The following PTPN4 variants were observed in gnomAD, a reference collection of about 807,000 sequenced individuals.
PTPN4 encodes protein tyrosine phosphatase non-receptor type 4.
PTPN4 carries 49 observed loss-of-function variants against 135.5 expected under a neutral mutation model. The observed-to-expected ratio is 0.36, with a 90% confidence interval of 0.29 to 0.46. The LOEUF (loss-of-function observed/expected upper bound fraction) is 0.46, where lower values mean the gene tolerates loss of function less well. Among genes scored for constraint, PTPN4 ranks in the 20% least tolerant of loss-of-function variants. The pLI is 1.00. For synonymous variants in PTPN4, 333 were observed against 369.9 expected, an observed-to-expected ratio of 0.90 and a Z score of 1.14; for missense variants, 860 against 1,101.0, an observed-to-expected ratio of 0.78 and a Z score of 3.10.
At chr2:119,862,488 T>C (rs747950205) in intron 2 of PTPN4, 48 bp from the exon 3 acceptor site, 10 of 1,511,334 alleles carry the variant, frequency 6.6e-6, no homozygotes, top group Admixed American at 1.7e-5. Flanking sequence ...ATGTGAAGAA[T>C]GTAACCTATC....
At chr2:119,802,226 G>A (rs545297351) in intron 1 of PTPN4, among the ~76,000 whole-genome samples, 80 of 152,206 alleles carry the variant, frequency 5.3e-4, no homozygotes, top group African/African-American at 1.5e-3. Flanking sequence ...CACAGCATAG[G>A]CTAGGACTTG....
In PTPN4 at chr2:119,881,777, G is replaced by C; in HGVS notation, c.369-9G>C. The C allele has an allele frequency of 6.5e-7, 1 of 1,534,586 alleles. No homozygotes were observed. Among genetic ancestry groups the C allele is most frequent in the African/African-American group, 1.4e-5 (1 of 72,524 alleles). ...TAAATGCTATCCTTTTTGTTTGTTTGTTTTTAAGGTACCAGTATTTTTTGC... is the reference window on the plus strand; with the variant it reads ...TAAATGCTATCCTTTTTGTTTGTTTCTTTTTAAGGTACCAGTATTTTTTGC... On this transcript the variant is annotated splice_polypyrimidine_tract_variant and intron_variant, in intron 5 of 26. Coordinates refer to ENST00000263708, the MANE Select transcript of PTPN4 (RefSeq NM_002830.4).
At chr2:119,855,328 A>G (rs550336177) in intron 2 of PTPN4, among the ~76,000 whole-genome samples, 1 of 152,188 alleles carries the variant, frequency 6.6e-6, no homozygotes, top group Admixed American at 6.5e-5. Flanking sequence ...GAATTTAAAA[A>G]TAACAAGTTG....
chr2:119,905,718 A>G (rs1678477266), intron 10 of PTPN4, among the ~76,000 whole-genome samples: 1 of 152,240 alleles, frequency 6.6e-6, no homozygotes, highest in African/African-American at 2.4e-5. Context: ...GTTAGGCCAC[A>G]AAACAAGTCT....
chr2:119,944,842 T>TA (rs998132642), intron 15 of PTPN4, among the ~76,000 whole-genome samples: 13 of 152,260 alleles, frequency 8.5e-5, no homozygotes, highest in African/African-American at 3.1e-4. Flanking sequence ...GATTAATAGG[T>TA]ATCTTCACAG....
At chr2:119,761,112 C>T (rs1690484194) in intron 1 of PTPN4, among the ~76,000 whole-genome samples, 1 of 152,146 alleles carries the variant, frequency 6.6e-6, no homozygotes, top group Non-Finnish European at 1.5e-5. Flanking sequence ...CTGCAATATG[C>T]CAGCTGCTTT....
intron 1 of PTPN4, among the ~76,000 whole-genome samples, chr2:119,787,343 A>G (rs1424064095): frequency 6.6e-6 from 1 of 152,214 alleles, no homozygotes; most frequent in Non-Finnish European, 1.5e-5. Context: ...AGAGCTCAGT[A>G]CTAGGTGCTA....
At chr2:119,851,633 G>A (rs192333833) in intron 2 of PTPN4, among the ~76,000 whole-genome samples, 5 of 152,222 alleles carry the variant, frequency 3.3e-5, no homozygotes, top group South Asian at 4.1e-4. Flanking sequence ...GTGTGCCCTC[G>A]GAAAGCCAGG....
chr2:119,848,726 G>T (rs537859295), intron 2 of PTPN4, among the ~76,000 whole-genome samples: 6 of 151,958 alleles, frequency 3.9e-5, no homozygotes, highest in Admixed American at 1.3e-4. Context: ...TCAGCCTCCT[G>T]AGTAGCTGGG....
At chr2:119,851,870 T>G (rs1433183963) in intron 2 of PTPN4, among the ~76,000 whole-genome samples, 1 of 152,204 alleles carries the variant, frequency 6.6e-6, no homozygotes, top group Non-Finnish European at 1.5e-5. Flanking sequence ...TCACCTGACA[T>G]TCCTGGTGGA....
chr2:119,812,355 A>T (rs1334566893), intron 2 of PTPN4, among the ~76,000 whole-genome samples: 1 of 152,034 alleles, frequency 6.6e-6, no homozygotes, highest in Non-Finnish European at 1.5e-5. Context: ...AAGGAGAACT[A>T]CTCAGTTTCC....
intron 5 of PTPN4, 50 bp downstream of exon 5, chr2:119,877,592 T>G: frequency 6.5e-7 from 1 of 1,538,678 alleles, no homozygotes; most frequent in South Asian, 1.3e-5. Context: ...AACTCTAATA[T>G]GAAATTTTGA....
chr2:119,860,337 C>T (rs1266279503), intron 2 of PTPN4, among the ~76,000 whole-genome samples: 1 of 152,132 alleles, frequency 6.6e-6, no homozygotes, highest in Non-Finnish European at 1.5e-5. Flanking sequence ...CCAATTCTGG[C>T]CAATAAGAGT....
chr2:119,760,733 CTTTTTTTT>C lies in PTPN4; in HGVS notation c.-18+364_-18+371del, dbSNP rs59953430. ...GAGTTTTCCATTGCTGGTAGAATTCCTTTTTTTTTTTTTTTTTTTTTTGGCTCATATGA... is the reference window on the plus strand; with the variant it reads ...GAGTTTTCCATTGCTGGTAGAATTCCTTTTTTTTTTTTTTGGCTCATATGA... On this transcript the variant is annotated intron_variant, in intron 1 of 26. Coordinates refer to ENST00000263708, the MANE Select transcript of PTPN4 (RefSeq NM_002830.4). Among the ~76,000 whole-genome samples the C allele has an allele frequency of 2.5e-4, 20 of 79,918 alleles. 1 individual carries two copies. The South Asian group carries it at 4.0e-3, about 16-fold the overall frequency. The allele number at this position is 79,918 out of a possible 152,430, so 52.4% of individuals were successfully genotyped here. A position where few individuals can be genotyped will look rare whatever the true frequency, so the allele number is the denominator to read the frequency against.
Position 119,977,248 on chromosome 2 carries a change from C to T in PTPN4, c.*178C>T. On this transcript the variant is annotated 3_prime_UTR_variant, in exon 27 of 27. Transcript: ENST00000263708. ...TTAAAAAATGTCACTCTTTCAAAAT[C>T]TATAACTCATGTATTTGAAGACTGT... The T allele has an allele frequency of 9.8e-7, 1 of 1,023,744 alleles. No individual in the cohort carries two copies. The allele number at this position is 1,023,744 out of a possible 1,614,324, so 63.4% of individuals were successfully genotyped here. A position where few individuals can be genotyped will look rare whatever the true frequency, so the allele number is the denominator to read the frequency against.
intron 12 of PTPN4, 21 bp from the exon 13 acceptor site, chr2:119,926,577 G>A (rs1433250721): frequency 1.3e-6 from 2 of 1,526,254 alleles, no homozygotes; most frequent in South Asian, 1.2e-5. Context: ...CTTTATTGTT[G>A]TGCATATTTA....
intron 10 of PTPN4, among the ~76,000 whole-genome samples, chr2:119,912,071 A>G (rs1678578957): frequency 2.0e-5 from 3 of 152,244 alleles, no homozygotes; most frequent in South Asian, 2.1e-4. Context: ...ATGTTGTGGT[A>G]TATCCATAGA....
intron 26 of PTPN4, among the ~76,000 whole-genome samples, chr2:119,969,448 T>G (rs1412376838): frequency 1.3e-5 from 2 of 152,126 alleles, no homozygotes; most frequent in African/African-American, 2.4e-5. Context: ...ATCCTAGATA[T>G]CATATCATTT....
intron 9 of PTPN4, among the ~76,000 whole-genome samples, chr2:119,891,734 C>A (rs1678243725): frequency 2.0e-5 from 3 of 152,122 alleles, no homozygotes; most frequent in African/African-American, 7.2e-5. Flanking sequence ...GTCTCACAGA[C>A]CTTTCAAGTC....
Sources: gnomAD v4.1 joint callset for allele counts (sites outside exome capture counted in the v4.1 genomes callset) on GRCh38, gnomAD v4.1.1 for gene constraint, MANE v1.5 for transcripts, NCBI Gene and HGNC (gene_info 2026-07-23, HGNC 2026-07-21) for gene names.